The following ITGB8 variants were observed in gnomAD, a reference collection of about 807,000 sequenced individuals.
The protein encoded by ITGB8 is integrin subunit beta 8, also known as integrin beta-8.
A neutral mutation model predicts 89.5 loss-of-function variants in ITGB8; 30 were observed. The ratio of observed to expected loss-of-function variants is 0.34; its 90% CI spans 0.25 to 0.45. ITGB8 has a LOEUF of 0.45. Among genes scored for constraint, ITGB8 ranks in the 20% least tolerant of loss-of-function variants. The pLI is 1.00. For missense variants in ITGB8, 836 were observed against 933.3 expected, an observed-to-expected ratio of 0.90 and a Z score of 1.36; for synonymous variants, 335 against 320.4, an observed-to-expected ratio of 1.05 and a Z score of -0.49.
intron 13 of ITGB8, 38 bp downstream of exon 13, chr7:20,409,816 T>A (rs1415989436): frequency 6.2e-7 from 1 of 1,609,894 alleles, no homozygotes; most frequent in Admixed American, 1.7e-5. Context: ...AACAGTATGT[T>A]ATTGCCTAGT....
intron 1 of ITGB8, among the ~76,000 whole-genome samples, chr7:20,347,828 C>G (rs1784980276): frequency 2.6e-5 from 4 of 152,086 alleles, no homozygotes; most frequent in Admixed American, 2.6e-4. Context: ...AGTCATCAAG[C>G]TGTAGAGTTG....
Position 20,398,062 on chromosome 7 carries a change from G to A in ITGB8, c.1147-798G>A, listed in dbSNP as rs908863356. 3.9e-5 allele frequency among the ~76,000 whole-genome samples: 6 copies of A among 151,914 alleles called. No homozygotes were observed. In the Middle Eastern group the frequency reaches 0.01, roughly 258 times the overall value. Reference sequence around the variant, plus strand: ...TCTGAAGTATACATTAAAGGTAGCTGGATCCTTTGGAATTTGAAGATTGTA... The same window carrying A: ...TCTGAAGTATACATTAAAGGTAGCTAGATCCTTTGGAATTTGAAGATTGTA... On this transcript the variant is annotated intron_variant, in intron 8 of 13. Transcript: ENST00000222573.
chr7:20,395,618 C>G (rs893269713), intron 8 of ITGB8, among the ~76,000 whole-genome samples: 12 of 152,154 alleles, frequency 7.9e-5, no homozygotes, highest in African/African-American at 2.7e-4. Context: ...CTGCGTCATT[C>G]CTGAATAGAA....
rs1305355713 is a variant in ITGB8, at chr7:20,377,627, G to T, written c.389-1424G>T. ...AAAAGCAGAGCAGAATATAGGATATGCTCTCAGGAGGCAGCCTAGCTTCTG... is the reference window on the plus strand; with the variant it reads ...AAAAGCAGAGCAGAATATAGGATATTCTCTCAGGAGGCAGCCTAGCTTCTG... On this transcript the variant is annotated intron_variant, in intron 3 of 13. Coordinates refer to ENST00000222573, the MANE Select transcript of ITGB8 (RefSeq NM_002214.3). Among the ~76,000 whole-genome samples the T allele has an allele frequency of 1.3e-5, 2 of 152,204 alleles. 1 individual carries two copies.
Position 20,401,965 on chromosome 7 carries a change from A to G in ITGB8, c.1526A>G (p.Glu509Gly), listed in dbSNP as rs377569049. 4.3e-6 allele frequency: 7 copies of G among 1,614,054 alleles called. No individual in the cohort carries two copies. Among genetic ancestry groups the G allele is most frequent in the Non-Finnish European group, 5.9e-6 (7 of 1,180,022 alleles). ...TTTGATGAAGATCAGTTTTCTTCTG[A>G]GAGTTGCAAGTCACACAAGGATCAG... ...CHFDEDQFSSESCKSHKDQPV... is the reference protein window; with the variant it reads ...CHFDEDQFSSGSCKSHKDQPV... Residue 509 changes from glutamate to glycine, a missense_variant, in exon 10 of 14, where the codon GAG (glutamate) becomes GGG (glycine). Physicochemically the swap from Glu to Gly is moderately conservative, Grantham distance 98 (BLOSUM62 -2). Around this residue, in one of 5 missense-constraint regions of ITGB8, gnomAD observed 422 missense variants for 416.9 expected, o/e 1.01. Coordinates refer to ENST00000222573, the MANE Select transcript of ITGB8 (RefSeq NM_002214.3).
At chr7:20,366,891 T>A (rs1427934065) in intron 2 of ITGB8, 121 bp from the exon 3 acceptor site, 8 of 640,188 alleles carry the variant, frequency 1.2e-5, no homozygotes, top group Non-Finnish European at 2.1e-5. Context: ...AGTAAAAACA[T>A]AAGGATTAGA....
At chr7:20,390,975 A>G (rs1786831033) in intron 6 of ITGB8, among the ~76,000 whole-genome samples, 2 of 152,204 alleles carry the variant, frequency 1.3e-5, no homozygotes, top group Non-Finnish European at 2.9e-5. Context: ...GTATGTGTAT[A>G]TATATGTTTA....
intron 8 of ITGB8, among the ~76,000 whole-genome samples, chr7:20,396,305 T>C (rs7783621): frequency 0.91 from 138,080 of 151,924 alleles, 62,774 homozygotes; most frequent in East Asian, 0.99. Context: ...TGGTGGCGGG[T>C]GCCTGTAGTC....
intron 8 of ITGB8, among the ~76,000 whole-genome samples, chr7:20,396,148 A>G (rs1314216002): frequency 2.0e-5 from 3 of 152,200 alleles, no homozygotes; most frequent in African/African-American, 7.2e-5. Flanking sequence ...ATATGAAATG[A>G]AGAACTTAGG....
chr7:20,397,228 CT>C (rs11286671), intron 8 of ITGB8, among the ~76,000 whole-genome samples: 97,108 of 144,164 alleles, frequency 0.67, 33,207 homozygotes, highest in East Asian at 0.97. Flanking sequence ...CCTTTTCTTT[CT>C]TTTTTTTTTT....
intron 3 of ITGB8, 47 bp downstream of exon 3, chr7:20,367,233 T>G (rs190339520): frequency 7.2e-7 from 1 of 1,385,082 alleles, no homozygotes; most frequent in Non-Finnish European, 1.0e-6. Context: ...AACTTGAAAT[T>G]GCAATTTACT....
intron 1 of ITGB8, among the ~76,000 whole-genome samples, chr7:20,345,463 G>A (rs1216330779): frequency 6.6e-6 from 1 of 151,968 alleles, no homozygotes; most frequent in African/African-American, 2.4e-5. Flanking sequence ...GAAAAGTGGA[G>A]CAGGGTTGGG....
chr7:20,359,530 G>C (rs182260496), intron 1 of ITGB8, among the ~76,000 whole-genome samples: 1 of 152,182 alleles, frequency 6.6e-6, no homozygotes, highest in Non-Finnish European at 1.5e-5. Context: ...GAGGGCAAAT[G>C]AACTAGGTAG....
At chr7:20,399,133 AT>A (rs1365552444) in intron 9 of ITGB8, 139 bp downstream of exon 9, 2 of 823,362 alleles carry the variant, frequency 2.4e-6, no homozygotes, top group East Asian at 2.8e-5. Flanking sequence ...GGAAACTTTC[AT>A]TGTCTCTCCT....
intron 1 of ITGB8, among the ~76,000 whole-genome samples, chr7:20,362,634 C>A (rs1785548840): frequency 6.6e-6 from 1 of 152,158 alleles, no homozygotes; most frequent in Non-Finnish European, 1.5e-5. Context: ...CTCTTCTCTT[C>A]TTGTCTGTGA....
At chr7:20,392,243 C>G (rs1172752115) in intron 7 of ITGB8, among the ~76,000 whole-genome samples, 1 of 152,180 alleles carries the variant, frequency 6.6e-6, no homozygotes, top group Non-Finnish European at 1.5e-5. Context: ...TTGTGCATCT[C>G]TGTTTACTTG....
intron 1 of ITGB8, among the ~76,000 whole-genome samples, 196 bp from the exon 2 acceptor site, chr7:20,363,441 G>T (rs1030039055): frequency 7.2e-5 from 11 of 151,866 alleles, no homozygotes; most frequent in African/African-American, 2.7e-4. Flanking sequence ...AATTATCCAG[G>T]TATCTATTAA....
chr7:20,357,502 A>ATG (rs771096402), intron 1 of ITGB8, among the ~76,000 whole-genome samples: 9 of 152,172 alleles, frequency 5.9e-5, no homozygotes, highest in East Asian at 5.8e-4. Context: ...GTCTATATAT[A>ATG]TGTGTGTGTA....
intron 1 of ITGB8, among the ~76,000 whole-genome samples, chr7:20,332,204 T>C (rs1784427543): frequency 6.6e-6 from 1 of 152,186 alleles, no homozygotes; most frequent in South Asian, 2.1e-4. Flanking sequence ...GAAAGGAATT[T>C]TGGAAAAGAG....
Sources: gnomAD v4.1 joint callset for allele counts (sites outside exome capture counted in the v4.1 genomes callset) on GRCh38, gnomAD v4.1.1 for gene constraint, gnomAD v4.1.1 regional missense constraint, MANE v1.5 for transcripts, NCBI Gene and HGNC (gene_info 2026-07-23, HGNC 2026-07-21) for gene names.